SRCIN1: variants seen among roughly 807,000 people sequenced by gnomAD.
SRCIN1 encodes the protein P130Cas-associated protein.
Under a neutral mutation model 116.2 loss-of-function variants are expected in SRCIN1, and 50 were observed. The ratio of observed to expected loss-of-function variants is 0.43; its 90% CI spans 0.34 to 0.54. The LOEUF is 0.54. Among genes scored for constraint, SRCIN1 ranks in the 20% least tolerant of loss-of-function variants. SRCIN1 has a pLI of 0.02. For synonymous variants in SRCIN1, 736 were observed against 750.0 expected (o/e 0.98, Z 0.30); for missense variants, 1,446 against 1,672.0 (o/e 0.86, Z 2.36).
At position 38,604,651 on chromosome 17, in the gene SRCIN1, G is replaced by A. The variant is rs1364606184; in HGVS notation, c.22+1033C>T. On this transcript the variant is annotated intron_variant, in intron 1 of 18. Coordinates refer to ENST00000617146, the MANE Select transcript of SRCIN1 (RefSeq NM_025248.3). This position sits in a 1 kb window ranked among gnomAD's most constrained non-coding sequence, Gnocchi z 4.3. ...GAGCACCAGCAGCCGCACACGCCCCGCCGGGCCCTGACAGCTGAGCTGCGG... is the reference window on the plus strand; with the variant it reads ...GAGCACCAGCAGCCGCACACGCCCCACCGGGCCCTGACAGCTGAGCTGCGG... The A allele has an allele frequency of 2.2e-5, 9 of 404,912 alleles. No individual in the cohort carries two copies. The highest frequency in any genetic ancestry group is 1.3e-4 in the African/African-American group (6 of 47,444). 25.1% of individuals were successfully genotyped at this position (404,912 alleles called of 1,614,324 possible).
rs963393636 is a variant in SRCIN1 at position 38,572,174 on chromosome 17, C to T, written c.325-3943G>A. Among the ~76,000 whole-genome samples, 2 of 151,042 alleles carry T rather than the reference C, an allele frequency of 1.3e-5. No individual in the cohort carries two copies. The highest frequency in any genetic ancestry group is 3.0e-5 in the Non-Finnish European group (2 of 67,162). ...CCTTAATCCCCTGGCTGTGCTGCAC[C>T]GGTGCACACACCCACCTCTCAACTC... is the stretch of plus-strand genomic sequence containing the variant. On this transcript the variant is annotated intron_variant, in intron 2 of 18. Transcript: ENST00000617146. The surrounding 1 kb of genome is among the most constrained non-coding windows in gnomAD (Gnocchi z 4.3).
At chr17:38,595,409 G>A (rs796766493) in intron 1 of SRCIN1, among the ~76,000 whole-genome samples, 7 of 152,258 alleles carry the variant, frequency 4.6e-5, no homozygotes, top group African/African-American at 1.7e-4. Context: ...GTAGAGACAG[G>A]GTTTCACCAC....
chr17:38,547,728 G>C (rs1413082161), intron 17 of SRCIN1: 1 of 321,336 alleles, frequency 3.1e-6, no homozygotes, highest in South Asian at 2.3e-5. Context: ...GGCAGAGAGA[G>C]AGCTGTGAGA....
rs1011605496 is a variant in SRCIN1 at position 38,562,339 on chromosome 17, G to A, written c.835-11C>T. ...GTACACCATCTCTCTCTGCGCAGAA[G>A]ACAGCCCGGAACCCCACGGGGCTGG... On this transcript the variant is annotated splice_polypyrimidine_tract_variant and intron_variant, in intron 6 of 18. Coordinates refer to ENST00000617146, the MANE Select transcript of SRCIN1 (RefSeq NM_025248.3). This position sits in a 1 kb window ranked among gnomAD's most constrained non-coding sequence, Gnocchi z 4.2. The A allele has an allele frequency of 3.6e-5, 52 of 1,446,562 alleles. No individual in the cohort carries two copies. The African/African-American group carries it at 7.3e-4, about 20-fold the overall frequency. The allele number at this position is 1,446,562 out of a possible 1,614,324, so 89.6% of individuals were successfully genotyped here.
chr17:38,597,436 TCAGA>T (rs1318544084), intron 1 of SRCIN1, among the ~76,000 whole-genome samples: 2 of 152,206 alleles, frequency 1.3e-5, no homozygotes, highest in Non-Finnish European at 2.9e-5. Flanking sequence ...AATCATTCAG[TCAGA>T]CAGAGGAAGA....
chr17:38,552,526 G>A lies in SRCIN1; in HGVS notation c.2401C>T (p.Leu801=). 6.2e-7 allele frequency: 1 copy of A among 1,606,598 alleles called. No homozygotes were observed. Among genetic ancestry groups the A allele is most frequent in the Non-Finnish European group, 8.5e-7 (1 of 1,176,726 alleles). The change falls in exon 13 of 19, where the codon CTG becomes TTG. Residue 801 remains leucine (L), a synonymous_variant. Transcript: ENST00000617146. This position sits in a 1 kb window ranked among gnomAD's most constrained non-coding sequence, Gnocchi z 5.3. ...LRVEVEAVKF[L]KEEPQRLDGL... is the part of the protein sequence containing the mutation. The stretch of plus-strand genomic sequence containing the variant: ...TCCAGGCGCTGGGGCTCCTCCTTCA[G>A]GAACTTCACCGCCTCCACCTCCACG...
chr17:38,540,625 G>T (rs1904672615), intron 18 of SRCIN1, among the ~76,000 whole-genome samples: 1 of 152,232 alleles, frequency 6.6e-6, no homozygotes, highest in Admixed American at 6.5e-5. Flanking sequence ...CACACCGAGG[G>T]TGTGGGTGCA....
At chr17:38,549,340 G>C in intron 15 of SRCIN1, 130 bp from the exon 16 acceptor site, 1 of 923,064 alleles carries the variant, frequency 1.1e-6, no homozygotes, top group Non-Finnish European at 1.5e-6. Flanking sequence ...AGGAAAGCCT[G>C]GGGGCAAGAA....
chr17:38,605,714 G>A lies in SRCIN1; in HGVS notation c.-9C>T. 1.7e-6 allele frequency: 2 copies of A among 1,208,018 alleles called. No homozygotes were observed. Among genetic ancestry groups the A allele is most frequent in the Non-Finnish European group, 2.1e-6 (2 of 963,572 alleles). 74.8% of individuals were successfully genotyped at this position (1,208,018 alleles called of 1,614,324 possible). Reference sequence around the variant, plus strand: ...GACGGAGCGTTCCCCATCGGGCGGGGGCGCGGGGGGCGGGGGCCCCGGGCC... The same window carrying A: ...GACGGAGCGTTCCCCATCGGGCGGGAGCGCGGGGGGCGGGGGCCCCGGGCC... On this transcript the variant is annotated 5_prime_UTR_variant, in exon 1 of 19. Coordinates refer to ENST00000617146, the MANE Select transcript of SRCIN1 (RefSeq NM_025248.3).
intron 1 of SRCIN1, among the ~76,000 whole-genome samples, chr17:38,587,146 G>A (rs1908157510): frequency 6.6e-6 from 1 of 152,014 alleles, no homozygotes; most frequent in African/African-American, 2.4e-5. Context: ...CTCCCTTATG[G>A]CAGAAGGGCC....
intron 3 of SRCIN1, among the ~76,000 whole-genome samples, chr17:38,566,164 G>C (rs1024774793): frequency 6.6e-6 from 1 of 152,112 alleles, no homozygotes; most frequent in Non-Finnish European, 1.5e-5. Context: ...CCATGGTGCC[G>C]GGGGGACACC....
intron 1 of SRCIN1, among the ~76,000 whole-genome samples, chr17:38,591,407 C>CA (rs755348705): frequency 6.6e-6 from 1 of 152,324 alleles, no homozygotes; most frequent in Non-Finnish European, 1.5e-5. Context: ...CCCAGCCCCC[C>CA]AGCCATCTGC....
intron 15 of SRCIN1, among the ~76,000 whole-genome samples, chr17:38,550,228 C>T (rs1369882270): frequency 6.6e-6 from 1 of 152,192 alleles, no homozygotes; most frequent in African/African-American, 2.4e-5. Flanking sequence ...GGCGTGGTGG[C>T]TCAAGTCTGT....
chr17:38,558,414 A>C lies in SRCIN1; in HGVS notation c.2026-12T>G. 3 of 1,585,736 alleles carry C rather than the reference A, an allele frequency of 1.9e-6. No homozygotes were observed. The highest frequency in any genetic ancestry group is 2.6e-6 in the Non-Finnish European group (3 of 1,171,704). ...TCCTGGTTCTGTAGCTGCGGGACGC[A>C]CGGACGGATGGACCCGGGTGGGGGG... is the stretch of plus-strand genomic sequence containing the variant. On this transcript the variant is annotated splice_polypyrimidine_tract_variant and intron_variant, in intron 10 of 18. Transcript: ENST00000617146. This position sits in a 1 kb window ranked among gnomAD's most constrained non-coding sequence, Gnocchi z 4.6.
At chr17:38,573,935 G>A (rs1455709402) in intron 2 of SRCIN1, among the ~76,000 whole-genome samples, 1 of 152,226 alleles carries the variant, frequency 6.6e-6, no homozygotes, top group Admixed American at 6.5e-5. Context: ...ATGCCAATCT[G>A]TTACTAGACT....
chr17:38,578,403 C>G, intron 2 of SRCIN1, 87 bp downstream of exon 2: 1 of 1,433,358 alleles, frequency 7.0e-7, no homozygotes, highest in Non-Finnish European at 9.2e-7. Flanking sequence ...TTGGAATGAG[C>G]CTGGGGACAC....
chr17:38,561,420 ACC>A, intron 7 of SRCIN1, 41 bp downstream of exon 7: 1 of 1,453,122 alleles, frequency 6.9e-7, no homozygotes, highest in Non-Finnish European at 9.0e-7. Context: ...TCCGCAGCGC[ACC>A]CCCCACCCCC....
chr17:38,588,081 A>C (rs2471627), intron 1 of SRCIN1, among the ~76,000 whole-genome samples: 8,445 of 151,094 alleles, frequency 0.056, 492 homozygotes, highest in African/African-American at 0.15. Flanking sequence ...AAGGAAGAAG[A>C]AGAAGAAGCA....
chr17:38,589,374 G>A (rs928983603), intron 1 of SRCIN1, among the ~76,000 whole-genome samples: 1 of 152,212 alleles, frequency 6.6e-6, no homozygotes, highest in Non-Finnish European at 1.5e-5. Flanking sequence ...GGGCATCTGG[G>A]GCTCGCTAAA....
Sources: gnomAD v4.1 joint callset for allele counts (sites outside exome capture counted in the v4.1 genomes callset) on GRCh38, gnomAD v4.1.1 for gene constraint, Gnocchi (gnomAD v3.1) non-coding constraint, MANE v1.5 for transcripts, NCBI Gene and HGNC (gene_info 2026-07-23, HGNC 2026-07-21) for gene names.